BANK1: variants seen among roughly 807,000 people sequenced by gnomAD.
BANK1 encodes the protein B-cell scaffold protein with ankyrin repeats.
In BANK1, 95 loss-of-function variants were observed where a neutral mutation model predicts 94.5. The observed-to-expected ratio is 1.00, with a 90% CI of 0.85 to 1.19. The LOEUF is 1.19. Ranked by LOEUF, BANK1 falls within the 50% of genes most tolerant of loss-of-function variation. The pLI, the probability that BANK1 is intolerant of heterozygous loss-of-function variation, is 0.00. For synonymous variants in BANK1, 334 were observed against 308.4 expected (o/e 1.08, Z -0.87); for missense variants, 987 against 932.2 (o/e 1.06, Z -0.77).
At chr4:101,940,320 A>G (rs1333025118) in intron 7 of BANK1, among the ~76,000 whole-genome samples, 1 of 151,424 alleles carries the variant, frequency 6.6e-6, no homozygotes, top group Non-Finnish European at 1.5e-5. Flanking sequence ...ATAGTTTTAG[A>G]TTTAAAAAAA....
intron 15 of BANK1, among the ~76,000 whole-genome samples, chr4:102,072,695 T>C (rs1029872896): frequency 6.6e-6 from 1 of 152,186 alleles, no homozygotes; most frequent in African/African-American, 2.4e-5. Flanking sequence ...GTTTTAACAA[T>C]AGAAATATGA....
chr4:102,000,322 C>CA (rs3974642), intron 7 of BANK1, among the ~76,000 whole-genome samples: 4,908 of 65,402 alleles, frequency 0.075, 274 homozygotes, highest in Non-Finnish European at 0.096. Context: ...AACTCTGTCT[C>CA]AAAAAAAAAA....
intron 2 of BANK1, among the ~76,000 whole-genome samples, chr4:101,847,751 AC>A (rs1727306876): frequency 2.1e-5 from 3 of 142,370 alleles, no homozygotes; most frequent in Admixed American, 6.8e-5. Flanking sequence ...ACACACACAC[AC>A]ACACACACAC....
intron 3 of BANK1, among the ~76,000 whole-genome samples, chr4:101,858,163 A>C (rs1727749216): frequency 6.6e-6 from 1 of 152,184 alleles, no homozygotes; most frequent in Non-Finnish European, 1.5e-5. Flanking sequence ...AAACTCCCTC[A>C]AAGAAGTGGC....
chr4:101,936,554 A>ATATATG (rs1249533799), intron 7 of BANK1, among the ~76,000 whole-genome samples: 2 of 150,790 alleles, frequency 1.3e-5, no homozygotes, highest in Admixed American at 1.3e-4. Context: ...ACACGTATAC[A>ATATATG]TATATGTATA....
At chr4:101,797,637 C>T (rs998112359) in intron 1 of BANK1, among the ~76,000 whole-genome samples, 3 of 151,894 alleles carry the variant, frequency 2.0e-5, no homozygotes, top group Non-Finnish European at 2.9e-5. Context: ...AGAATGACAC[C>T]AAGGGTTGTG....
chr4:101,844,107 A>G (rs1333059173), intron 2 of BANK1, among the ~76,000 whole-genome samples: 1 of 152,124 alleles, frequency 6.6e-6, no homozygotes, highest in Non-Finnish European at 1.5e-5. Context: ...GTTGAGGTAG[A>G]TGTAAAGATT....
chr4:102,007,070 A>ATATATATATT (rs1726291561), intron 7 of BANK1, among the ~76,000 whole-genome samples: 5 of 97,130 alleles, frequency 5.1e-5, no homozygotes, highest in African/African-American at 1.7e-4. Flanking sequence ...ATATAATTTT[A>ATATATATATT]TATATATATA....
chr4:101,892,181 A>G (rs907206876), intron 5 of BANK1, among the ~76,000 whole-genome samples: 1 of 150,750 alleles, frequency 6.6e-6, no homozygotes, highest in African/African-American at 2.4e-5. Context: ...ATTATTTAAA[A>G]TATAATTTAT....
chr4:101,886,761 TGG>T (rs11452529), intron 5 of BANK1, among the ~76,000 whole-genome samples: 6,212 of 135,098 alleles, frequency 0.046, 370 homozygotes, highest in African/African-American at 0.13. Flanking sequence ...AACAATATAT[TGG>T]GGGGGGGGGC....
intron 8 of BANK1, among the ~76,000 whole-genome samples, chr4:102,023,910 A>C (rs773641039): frequency 6.6e-5 from 10 of 152,170 alleles, no homozygotes; most frequent in Non-Finnish European, 1.3e-4. Flanking sequence ...GCATTTCTAG[A>C]GACTACTTCA....
intron 6 of BANK1, among the ~76,000 whole-genome samples, chr4:101,906,553 G>A (rs939150558): frequency 6.6e-6 from 1 of 152,150 alleles, no homozygotes; most frequent in African/African-American, 2.4e-5. Flanking sequence ...GAAGGGTAGG[G>A]ATGAACCTTT....
intron 2 of BANK1, among the ~76,000 whole-genome samples, chr4:101,850,326 C>G (rs1445575097): frequency 6.6e-6 from 1 of 152,054 alleles, no homozygotes; most frequent in Admixed American, 6.6e-5. Context: ...GGCTGGAGTA[C>G]AGTGGTGTGA....
chr4:101,989,804 T>G (rs1234600442), intron 7 of BANK1, among the ~76,000 whole-genome samples: 2 of 152,176 alleles, frequency 1.3e-5, no homozygotes, highest in African/African-American at 4.8e-5. Flanking sequence ...CCTTTCTAAG[T>G]GCATTATATC....
intron 6 of BANK1, among the ~76,000 whole-genome samples, chr4:101,898,330 A>G (rs1049538659): frequency 2.0e-5 from 3 of 152,056 alleles, no homozygotes; most frequent in South Asian, 4.1e-4. Context: ...ACCTTTATAC[A>G]TATATTAATC....
intron 10 of BANK1, among the ~76,000 whole-genome samples, chr4:102,040,956 G>T (rs1578474008): frequency 6.6e-6 from 1 of 152,074 alleles, no homozygotes; most frequent in East Asian, 1.9e-4. Context: ...GATATGAAGA[G>T]AAAACTATAG....
intron 3 of BANK1, among the ~76,000 whole-genome samples, chr4:101,857,722 A>G (rs904646466): frequency 2.6e-5 from 4 of 152,140 alleles, no homozygotes; most frequent in Admixed American, 1.3e-4. Context: ...TTTTTTCCCC[A>G]TGCACTAGTG....
intron 2 of BANK1, among the ~76,000 whole-genome samples, chr4:101,838,045 C>T (rs28491263): frequency 0.03 from 4,631 of 152,148 alleles, 244 homozygotes; most frequent in African/African-American, 0.11. Context: ...CTGCAACCTC[C>T]ACCTCCAGAG....
intron 2 of BANK1, 100 bp from the exon 3 acceptor site, chr4:101,854,935 G>C (rs544475062): frequency 2.3e-6 from 2 of 853,196 alleles, no homozygotes; most frequent in South Asian, 4.2e-5. Flanking sequence ...TCGGTTTCCC[G>C]TATATTAAAT....
Sources: allele counts gnomAD v4.1 joint callset (sites outside exome capture counted in the v4.1 genomes callset), GRCh38; gene constraint gnomAD v4.1.1; transcripts MANE v1.5; gene names NCBI Gene and HGNC (gene_info 2026-07-23, HGNC 2026-07-21).